Variants in PTPRT observed in about 807,000 individuals in gnomAD.
The protein encoded by PTPRT is protein tyrosine phosphatase receptor type T.
A neutral mutation model predicts 176.8 loss-of-function variants in PTPRT; 56 were observed. That is an observed-to-expected ratio of 0.32 (90% CI 0.26 to 0.40). The LOEUF (loss-of-function observed/expected upper bound fraction) is 0.40, where lower values mean the gene tolerates loss of function less well. Ranked by LOEUF, PTPRT falls within the 10% of genes least tolerant of loss-of-function variation. PTPRT has a pLI of 1.00. For missense variants in PTPRT, 1,540 were observed against 1,908.2 expected (o/e 0.81, Z 3.60); for synonymous variants, 783 against 739.0 (o/e 1.06, Z -0.96).
intron 20 of PTPRT, among the ~76,000 whole-genome samples, chr20:42,119,013 GAAAAAAAAAAAAAAA>G (rs11415242): frequency 1.0e-4 from 3 of 29,214 alleles, no homozygotes; most frequent in Admixed American, 4.6e-4. Flanking sequence ...AGAAAGGAAG[GAAAAAAAAAAAAAAA>G]AAAAAAAAAA....
intron 7 of PTPRT, among the ~76,000 whole-genome samples, chr20:42,488,318 T>C (rs2071498108): frequency 6.6e-6 from 1 of 152,196 alleles, no homozygotes; most frequent in African/African-American, 2.4e-5. Flanking sequence ...CAAAGTACTG[T>C]CAGATTGCTT....
chr20:43,165,911 AAGGC>A (rs1282594949), intron 1 of PTPRT, among the ~76,000 whole-genome samples: 1 of 152,126 alleles, frequency 6.6e-6, no homozygotes, highest in Non-Finnish European at 1.5e-5. Flanking sequence ...TCTACGGGGC[AAGGC>A]ATGGTGGCTC....
chr20:43,040,706 C>T (rs1273768199), intron 1 of PTPRT, among the ~76,000 whole-genome samples: 1 of 152,200 alleles, frequency 6.6e-6, no homozygotes, highest in Admixed American at 6.5e-5. Context: ...TCCTTGCCAA[C>T]CCTTCCAGAA....
chr20:42,275,678 T>C (rs1247706963), intron 13 of PTPRT, among the ~76,000 whole-genome samples: 1 of 152,126 alleles, frequency 6.6e-6, no homozygotes, highest in Non-Finnish European at 1.5e-5. Flanking sequence ...AGTTGGGATA[T>C]TTAAAGGTCA....
intron 15 of PTPRT, among the ~76,000 whole-genome samples, chr20:42,214,182 A>G (rs2055713242): frequency 6.6e-6 from 1 of 152,186 alleles, no homozygotes; most frequent in Admixed American, 6.5e-5. Context: ...TCAGGCTTCT[A>G]AATGTTCTCT....
chr20:42,110,553 G>A (rs2146293415), intron 22 of PTPRT, 66 bp from the exon 23 acceptor site: 1 of 1,518,012 alleles, frequency 6.6e-7, no homozygotes, highest in Middle Eastern at 2.1e-4. Flanking sequence ...AGCAACACGT[G>A]GAGCCATAGC....
At chr20:42,923,864 CAG>C (rs972529582) in intron 1 of PTPRT, among the ~76,000 whole-genome samples, 24 of 150,146 alleles carry the variant, frequency 1.6e-4, no homozygotes, top group African/African-American at 5.7e-4. Context: ...TTCCTTAAGA[CAG>C]AGTTTTGCTC....
rs2071485891 is a variant in PTPRT, at chr20:42,487,600, G to C, written c.1154-15038C>G. On this transcript the variant is annotated intron_variant, in intron 7 of 30. Transcript: ENST00000373187. The stretch of plus-strand genomic sequence containing the variant: ...AAGAGGGAGGCAAGAGGGCAGAGAG[G>C]AGAAATGATGTTAGGCTGACAGCTT... 2.0e-5 allele frequency among the ~76,000 whole-genome samples: 3 copies of C among 152,190 alleles called. No individual in the cohort carries two copies. In the South Asian group the frequency reaches 6.2e-4, roughly 32 times the overall value.
chr20:42,561,631 G>A (rs1413188213), intron 7 of PTPRT, among the ~76,000 whole-genome samples: 3 of 152,168 alleles, frequency 2.0e-5, no homozygotes, highest in East Asian at 1.9e-4. Flanking sequence ...TTTTCATGGA[G>A]TCAGGGTGTG....
At chr20:42,104,856 G>A in intron 24 of PTPRT, 138 bp from the exon 25 acceptor site, 4 of 957,938 alleles carry the variant, frequency 4.2e-6, no homozygotes, top group Non-Finnish European at 5.9e-6. Context: ...TTTTTATACT[G>A]TAACCCAAAG....
intron 14 of PTPRT, among the ~76,000 whole-genome samples, chr20:42,242,832 C>T (rs1349082364): frequency 2.6e-5 from 4 of 152,148 alleles, no homozygotes; most frequent in Non-Finnish European, 5.9e-5. Flanking sequence ...TGAACCATGG[C>T]TATGGAGAAG....
chr20:42,568,515 A>G (rs187725947), intron 7 of PTPRT, among the ~76,000 whole-genome samples: 10 of 152,340 alleles, frequency 6.6e-5, no homozygotes, highest in Admixed American at 1.3e-4. Flanking sequence ...GCATCTTGAC[A>G]TATGATTGAT....
At chr20:42,203,351 C>G (rs1353803304) in intron 15 of PTPRT, among the ~76,000 whole-genome samples, 1 of 152,134 alleles carries the variant, frequency 6.6e-6, no homozygotes, top group African/African-American at 2.4e-5. Flanking sequence ...AAGAGAAACC[C>G]AAATCTGTGA....
intron 2 of PTPRT, among the ~76,000 whole-genome samples, chr20:42,812,105 T>C (rs560425168): frequency 3.3e-5 from 5 of 152,042 alleles, no homozygotes; most frequent in Non-Finnish European, 5.9e-5. Flanking sequence ...TATTCTTGTG[T>C]CTAGAATACT....
At chr20:42,776,706 A>G (rs1256502550) in intron 4 of PTPRT, among the ~76,000 whole-genome samples, 1 of 149,950 alleles carries the variant, frequency 6.7e-6, no homozygotes, top group Non-Finnish European at 1.5e-5. Context: ...CATATCATAT[A>G]ATTATATAAG....
chr20:43,081,335 G>C (rs1289046935), intron 1 of PTPRT, among the ~76,000 whole-genome samples: 4 of 152,066 alleles, frequency 2.6e-5, no homozygotes, highest in Non-Finnish European at 5.9e-5. Context: ...TTATCAATTG[G>C]CCAACATTGG....
rs541149586 is a variant in PTPRT, at chr20:42,846,360, T to C, written c.214+39447A>G. ...TCTGAGGAGAGCTCAGCAAAATGCA[T>C]CACAGAAGCAGATGTCAGGCTTAAG... On this transcript the variant is annotated intron_variant, in intron 2 of 30. Transcript: ENST00000373187. Among the ~76,000 whole-genome samples the C allele has an allele frequency of 3.4e-4, 51 of 152,040 alleles. 1 individual carries two copies. The South Asian group carries it at 4.8e-3, about 14-fold the overall frequency.
rs368546017 is a variant in PTPRT, at chr20:43,189,615, G to A, written c.88+31C>T. On this transcript the variant is annotated intron_variant, in intron 1 of 30. Coordinates refer to ENST00000373187, the MANE Select transcript of PTPRT (RefSeq NM_007050.6). This position sits in a 1 kb window ranked among gnomAD's most constrained non-coding sequence, Gnocchi z 5.0. ...CCGCGCGCATCCAGGAGGGAGCGGG[G>A]AGCCCAGGGGAGCCGGGCGGGCGCA... 27 of 1,222,732 alleles carry A rather than the reference G, an allele frequency of 2.2e-5. No homozygotes were observed. In the East Asian group the frequency reaches 5.3e-4, roughly 24 times the overall value. The allele number at this position is 1,222,732 out of a possible 1,614,324, so 75.7% of individuals were successfully genotyped here. A position where few individuals can be genotyped will look rare whatever the true frequency, so the allele number is the denominator to read the frequency against.
chr20:42,375,259 G>T (rs112684481), intron 9 of PTPRT, among the ~76,000 whole-genome samples: 5 of 152,188 alleles, frequency 3.3e-5, no homozygotes, highest in Admixed American at 2.6e-4. Flanking sequence ...ATACAAGGAA[G>T]AGTGAGACAC....
Sources: allele counts gnomAD v4.1 joint callset (sites outside exome capture counted in the v4.1 genomes callset), GRCh38; gene constraint gnomAD v4.1.1; non-coding constraint Gnocchi (gnomAD v3.1); transcripts MANE v1.5; gene names NCBI Gene and HGNC (gene_info 2026-07-23, HGNC 2026-07-21).